Variants in SRGAP1 observed in about 807,000 individuals in gnomAD.
SRGAP1 encodes the protein SLIT-ROBO Rho GTPase activating protein 1.
In SRGAP1, 43 loss-of-function variants were observed where a neutral mutation model predicts 121.9. The observed-to-expected ratio is 0.35, with a 90% CI of 0.28 to 0.46. SRGAP1 has a LOEUF of 0.46. Among genes scored for constraint, SRGAP1 ranks in the 20% least tolerant of loss-of-function variants. The pLI, the probability that SRGAP1 is intolerant of heterozygous loss-of-function variation, is 1.00. For synonymous variants in SRGAP1, 447 were observed against 485.4 expected (o/e 0.92, Z 1.04); for missense variants, 1,102 against 1,350.9 (o/e 0.82, Z 2.89).
intron 1 of SRGAP1, among the ~76,000 whole-genome samples, chr12:63,874,977 A>C (rs889310095): frequency 6.6e-6 from 1 of 152,152 alleles, no homozygotes; most frequent in Non-Finnish European, 1.5e-5. Context: ...GTGCAGTTGC[A>C]TGATCATAGT....
Position 64,150,858 on chromosome 12 carries a change from C to G in SRGAP1, c.*8186C>G, listed in dbSNP as rs2037111594. The stretch of plus-strand genomic sequence containing the variant: ...GCTGAGGCAGGAAGATTGCTTGAGC[C>G]CAGATGTTTGAGGCTGCAATAAGCT... On this transcript the variant is annotated 3_prime_UTR_variant, in exon 22 of 22. Transcript: ENST00000355086. 1 of 145,434 alleles carries G rather than the reference C, an allele frequency of 6.9e-6. No homozygotes were observed. Among genetic ancestry groups the G allele is most frequent in the Admixed American group, 7.0e-5 (1 of 14,206 alleles). 9.0% of individuals were successfully genotyped at this position (145,434 alleles called of 1,614,324 possible).
At chr12:63,948,823 T>C (rs908970299) in intron 1 of SRGAP1, among the ~76,000 whole-genome samples, 3 of 140,798 alleles carry the variant, frequency 2.1e-5, no homozygotes, top group Admixed American at 7.4e-5. Context: ...ATATATGTTT[T>C]CCATATATAT....
chr12:64,130,645 G>T (rs2036770800), intron 21 of SRGAP1, among the ~76,000 whole-genome samples: 1 of 152,164 alleles, frequency 6.6e-6, no homozygotes, highest in African/African-American at 2.4e-5. Flanking sequence ...CAATCCAGCT[G>T]CTTCAGGATG....
intron 6 of SRGAP1, among the ~76,000 whole-genome samples, chr12:64,057,312 GCT>G (rs2035362034): frequency 6.6e-6 from 1 of 152,144 alleles, no homozygotes. Context: ...TTGTCAGCTA[GCT>G]CTCTGTGGAC....
chr12:64,094,714 G>A (rs563519944), intron 12 of SRGAP1, among the ~76,000 whole-genome samples: 1 of 152,146 alleles, frequency 6.6e-6, no homozygotes, highest in Non-Finnish European at 1.5e-5. Flanking sequence ...ATTCATTTTG[G>A]TATGTAAGTC....
chr12:64,063,292 G>T (rs1372587731), intron 7 of SRGAP1, among the ~76,000 whole-genome samples, 154 bp downstream of exon 7: 1 of 152,114 alleles, frequency 6.6e-6, no homozygotes, highest in African/African-American at 2.4e-5. Flanking sequence ...AGTCGCTACC[G>T]CCTTTTAAAG....
At chr12:64,055,229 A>T (rs1469438328) in intron 6 of SRGAP1, among the ~76,000 whole-genome samples, 3 of 145,750 alleles carry the variant, frequency 2.1e-5, no homozygotes, top group Non-Finnish European at 4.5e-5. Context: ...AGAGAGCCAA[A>T]TCATGAGTGA....
chr12:63,903,781 C>T (rs1032140494), intron 1 of SRGAP1, among the ~76,000 whole-genome samples: 4 of 151,928 alleles, frequency 2.6e-5, no homozygotes, highest in Non-Finnish European at 5.9e-5. Context: ...ACTACGGGCG[C>T]CCGCCTCCAC....
chr12:63,892,570 C>T (rs938315440), intron 1 of SRGAP1, among the ~76,000 whole-genome samples: 6 of 152,050 alleles, frequency 3.9e-5, no homozygotes, highest in African/African-American at 1.4e-4. Flanking sequence ...TTTCCTTTCC[C>T]ATGTTCTCTG....
chr12:64,090,557 G>A (rs960737748), intron 11 of SRGAP1, among the ~76,000 whole-genome samples: 13 of 152,200 alleles, frequency 8.5e-5, no homozygotes, highest in African/African-American at 3.1e-4. Context: ...TTGGTTTGCT[G>A]GGCTGAGTGA....
At chr12:64,116,527 T>C in intron 18 of SRGAP1, among the ~76,000 whole-genome samples, 1 of 151,968 alleles carries the variant, frequency 6.6e-6, no homozygotes, top group East Asian at 1.9e-4. Flanking sequence ...TTTTCGTGAG[T>C]TTTTTCTACT....
intron 1 of SRGAP1, among the ~76,000 whole-genome samples, chr12:63,924,444 G>A (rs1020204348): frequency 5.9e-5 from 9 of 152,244 alleles, no homozygotes; most frequent in Non-Finnish European, 5.9e-5. Flanking sequence ...TTCCTTTGTT[G>A]AATCCATATT....
chr12:63,951,138 T>A (rs1299636992), intron 1 of SRGAP1, among the ~76,000 whole-genome samples: 1 of 144,646 alleles, frequency 6.9e-6, no homozygotes, highest in Non-Finnish European at 1.5e-5. Flanking sequence ...GGCTGGTCCA[T>A]GCCATTTAGA....
chr12:63,855,477 T>TTTTTTTG (rs1899211436), intron 1 of SRGAP1, among the ~76,000 whole-genome samples: 1 of 63,022 alleles, frequency 1.6e-5, no homozygotes, highest in African/African-American at 7.9e-5. Context: ...AATGGTGTTT[T>TTTTTTTG]TTTTTTTTTT....
At chr12:63,979,429 A>ATTT (rs1223143301) in intron 1 of SRGAP1, among the ~76,000 whole-genome samples, 1 of 149,844 alleles carries the variant, frequency 6.7e-6, no homozygotes, top group Admixed American at 6.7e-5. Context: ...CAGACATATG[A>ATTT]TTTGTGAATA....
At chr12:64,064,804 G>C (rs896379342) in intron 7 of SRGAP1, among the ~76,000 whole-genome samples, 2 of 152,140 alleles carry the variant, frequency 1.3e-5, no homozygotes, top group Non-Finnish European at 2.9e-5. Context: ...CTGCAAAAGA[G>C]TCATTAAGAA....
chr12:63,893,560 A>G (rs2136298936), intron 1 of SRGAP1, among the ~76,000 whole-genome samples: 1 of 152,344 alleles, frequency 6.6e-6, no homozygotes, highest in African/African-American at 2.4e-5. Context: ...CCTGACAGCT[A>G]GAATTTGACA....
In SRGAP1 at chr12:64,005,663, TA is replaced by T. The variant is rs551471462; in HGVS notation, c.427-11279del. Among the ~76,000 whole-genome samples the T allele has an allele frequency of 5.9e-5, 9 of 151,512 alleles. No homozygotes were observed. In the East Asian group the frequency reaches 1.7e-3, roughly 29 times the overall value. On this transcript the variant is annotated intron_variant, in intron 3 of 21. Transcript: ENST00000355086. ...CCTGTCTCTTAAAAAAAAATAAAAA[TA>T]AAAAAAAGTTTTAACTCTTTAGCTC...
chr12:64,073,972 CA>C (rs1315696134), intron 8 of SRGAP1, among the ~76,000 whole-genome samples: 1 of 152,106 alleles, frequency 6.6e-6, no homozygotes, highest in Non-Finnish European at 1.5e-5. Flanking sequence ...TTGAACCTTA[CA>C]TCATGTTATT....
Sources: allele counts gnomAD v4.1 joint callset (sites outside exome capture counted in the v4.1 genomes callset), GRCh38; gene constraint gnomAD v4.1.1; transcripts MANE v1.5; gene names NCBI Gene and HGNC (gene_info 2026-07-23, HGNC 2026-07-21).